KATNA1: variants seen among roughly 807,000 people sequenced by gnomAD.
KATNA1 encodes katanin p60 ATPase-containing subunit A1.
A neutral mutation model predicts 62.6 loss-of-function variants in KATNA1; 42 were observed. The observed-to-expected ratio is 0.67, with a 90% CI of 0.52 to 0.87. The LOEUF (loss-of-function observed/expected upper bound fraction) is 0.87, where lower values mean the gene tolerates loss of function less well. Ranked by LOEUF, KATNA1 falls within the 40% of genes least tolerant of loss-of-function variation. The pLI is 0.00. For synonymous variants in KATNA1, 186 were observed against 201.9 expected, an observed-to-expected ratio of 0.92 and a Z score of 0.67; for missense variants, 498 against 612.5, an observed-to-expected ratio of 0.81 and a Z score of 1.97.
intron 8 of KATNA1, 182 bp downstream of exon 8, chr6:149,598,042 T>C (rs1778394579): frequency 3.3e-6 from 2 of 600,858 alleles, no homozygotes; most frequent in East Asian, 5.8e-5. Flanking sequence ...CCACTGTCAG[T>C]GTACCAAATC....
chr6:149,612,638 C>CA (rs1779005301), intron 4 of KATNA1, among the ~76,000 whole-genome samples: 1 of 151,714 alleles, frequency 6.6e-6, no homozygotes. Flanking sequence ...AAGACAGTTC[C>CA]AAAAAACAAA....
chr6:149,629,230 G>A (rs761715777), intron 3 of KATNA1, among the ~76,000 whole-genome samples: 8 of 152,156 alleles, frequency 5.3e-5, no homozygotes, highest in Non-Finnish European at 1.0e-4. Flanking sequence ...AGGACTGTTA[G>A]AGGCTGAATG....
chr6:149,613,612 C>G (rs534411903), intron 4 of KATNA1, among the ~76,000 whole-genome samples: 14 of 152,230 alleles, frequency 9.2e-5, no homozygotes, highest in South Asian at 4.1e-4. Context: ...TGTATTTCCA[C>G]CTAAACAAAA....
At chr6:149,597,308 G>A (rs1466147156) in intron 9 of KATNA1, 119 bp from the exon 10 acceptor site, 6 of 1,271,684 alleles carry the variant, frequency 4.7e-6, no homozygotes, top group Non-Finnish European at 5.4e-6. Flanking sequence ...TCTAAGAAGA[G>A]ATAATTAAGT....
chr6:149,627,606 C>G (rs1779666921), intron 3 of KATNA1, among the ~76,000 whole-genome samples: 2 of 151,096 alleles, frequency 1.3e-5, no homozygotes, highest in South Asian at 4.2e-4. Context: ...TTGCCTGGAC[C>G]CAGGAGGTGG....
intron 4 of KATNA1, among the ~76,000 whole-genome samples, chr6:149,605,757 C>CTTTATTTA (rs367970953): frequency 2.6e-5 from 4 of 151,952 alleles, no homozygotes; most frequent in Middle Eastern, 3.4e-3. Flanking sequence ...TTCAATAATG[C>CTTTATTTA]TTTATTTATT....
Position 149,638,485 on chromosome 6 carries a change from G to A in KATNA1, c.63C>T (p.Asn21=). The change falls in exon 2 of 11, where the codon AAC becomes AAT. Residue 21 remains asparagine, a synonymous_variant. Transcript: ENST00000367411. The part of the protein sequence containing the change: ...KLAREYALLG[N]YDSAMVYYQG... Reference sequence around the variant, plus strand: ...GATAATAGACCATCGCAGAGTCATAGTTTCCCAGCAATGCATATTCACGAG... The same window carrying A: ...GATAATAGACCATCGCAGAGTCATAATTTCCCAGCAATGCATATTCACGAG... 6.2e-7 allele frequency: 1 copy of A among 1,613,538 alleles called. No individual in the cohort carries two copies. Among genetic ancestry groups the A allele is most frequent in the Non-Finnish European group, 8.5e-7 (1 of 1,179,684 alleles).
chr6:149,642,785 T>C (rs918969992), intron 1 of KATNA1, among the ~76,000 whole-genome samples: 1 of 152,190 alleles, frequency 6.6e-6, no homozygotes, highest in Non-Finnish European at 1.5e-5. Context: ...ACCTTAAATA[T>C]ATTAGAGAGT....
At chr6:149,629,163 T>C (rs528236590) in intron 3 of KATNA1, among the ~76,000 whole-genome samples, 2 of 152,224 alleles carry the variant, frequency 1.3e-5, no homozygotes, top group Non-Finnish European at 2.9e-5. Flanking sequence ...TCAACTGATT[T>C]CCCACTGGGA....
In KATNA1 at chr6:149,639,382, C is replaced by T. The variant is rs573461954; in HGVS notation, c.-13-822G>A. On this transcript the variant is annotated intron_variant, in intron 1 of 10. Coordinates refer to ENST00000367411, the MANE Select transcript of KATNA1 (RefSeq NM_007044.4). ...TTGGGAGGCTGAGGTGGGTGGATCA[C>T]GAGGTCAGGAGATCAAGACCATCCT... Among the ~76,000 whole-genome samples, 327 of 151,526 alleles carry T rather than the reference C, an allele frequency of 2.2e-3. 2 individuals are homozygous for T. The highest frequency in any genetic ancestry group is 7.6e-3 in the African/African-American group (315 of 41,302).
At chr6:149,634,288 A>C (rs529615415) in intron 2 of KATNA1, among the ~76,000 whole-genome samples, 71 of 148,858 alleles carry the variant, frequency 4.8e-4, no homozygotes, top group African/African-American at 1.7e-3. Flanking sequence ...AATAAAATAA[A>C]ATAAAATAAA....
intron 2 of KATNA1, 70 bp from the exon 3 acceptor site, chr6:149,632,986 A>AT: frequency 8.2e-7 from 1 of 1,215,224 alleles, no homozygotes; most frequent in Non-Finnish European, 1.1e-6. Flanking sequence ...AATGAGGGCC[A>AT]TTTACTAGAG....
In KATNA1 at chr6:149,626,106, C is replaced by T. The variant is rs1357940668; in HGVS notation, c.321-2823G>A. Reference sequence around the variant, plus strand: ...TGCTAGAGAAATAATACAAAATAGACACTGACATATAATAAAGTATAGTTG... The same window carrying T: ...TGCTAGAGAAATAATACAAAATAGATACTGACATATAATAAAGTATAGTTG... On this transcript the variant is annotated intron_variant, in intron 3 of 10. Coordinates refer to ENST00000367411, the MANE Select transcript of KATNA1 (RefSeq NM_007044.4). Among the ~76,000 whole-genome samples the T allele has an allele frequency of 4.6e-5, 7 of 152,080 alleles. No homozygotes were observed. The East Asian group carries it at 1.3e-3, about 29-fold the overall frequency.
chr6:149,597,664 G>T, intron 8 of KATNA1, 23 bp from the exon 9 acceptor site: 2 of 1,600,780 alleles, frequency 1.2e-6, no homozygotes, highest in South Asian at 2.3e-5. Flanking sequence ...TAAGGGGAGA[G>T]TGAAAAAGAT....
At chr6:149,596,316 C>G (rs547299854) in intron 10 of KATNA1, among the ~76,000 whole-genome samples, 2 of 152,316 alleles carry the variant, frequency 1.3e-5, no homozygotes, top group East Asian at 3.9e-4. Flanking sequence ...AGGCGGATCA[C>G]TTGAGGTCAG....
chr6:149,595,078 A>G lies in KATNA1; in HGVS notation c.1434T>C (p.Ile478=). 2 of 1,614,086 alleles carry G rather than the reference A, an allele frequency of 1.2e-6. No homozygotes were observed. Among genetic ancestry groups the G allele is most frequent in the Non-Finnish European group, 1.7e-6 (2 of 1,179,976 alleles). ...CAAATATCCATTTCTCGTATCTTTCAATGTCTGCAGCAGACACTGACTTAG... is the reference window on the plus strand; with the variant it reads ...CAAATATCCATTTCTCGTATCTTTCGATGTCTGCAGCAGACACTGACTTAG... ...KVSKSVSAAD[I]ERYEKWIFEF... Residue 478 remains isoleucine (I), a synonymous_variant, in exon 11 of 11, where the codon ATT becomes ATC. Transcript: ENST00000367411.
chr6:149,627,643 T>C lies in KATNA1; in HGVS notation c.321-4360A>G, dbSNP rs547797118. ...GGCTACAGTGAGCTGAGATGCACTA[T>C]TGCATTCCAGCCTGGGTGACAGAGT... On this transcript the variant is annotated intron_variant, in intron 3 of 10. Transcript: ENST00000367411. 6.0e-5 allele frequency among the ~76,000 whole-genome samples: 9 copies of C among 150,846 alleles called. No individual in the cohort carries two copies. The South Asian group carries it at 1.5e-3, about 25-fold the overall frequency.
rs1449425022 is a variant in KATNA1, at chr6:149,598,017, A to G, written c.1015+207T>C. On this transcript the variant is annotated intron_variant, in intron 8 of 10. Transcript: ENST00000367411. ...AAAGGGTGCCCTGTGTGTGGCCATTAATTCTGACTTGTCACCACTGTCAGT... is the reference window on the plus strand; with the variant it reads ...AAAGGGTGCCCTGTGTGTGGCCATTGATTCTGACTTGTCACCACTGTCAGT... 7.4e-6 allele frequency: 4 copies of G among 542,842 alleles called. No individual in the cohort carries two copies. The African/African-American group carries it at 7.7e-5, about 10-fold the overall frequency. 33.6% of individuals were successfully genotyped at this position (542,842 alleles called of 1,614,324 possible).
chr6:149,609,262 A>T (rs1271094885), intron 4 of KATNA1, among the ~76,000 whole-genome samples: 1 of 152,268 alleles, frequency 6.6e-6, no homozygotes, highest in Non-Finnish European at 1.5e-5. Flanking sequence ...AAAAATTGAA[A>T]GCAATGAAAG....
Sources: allele counts gnomAD v4.1 joint callset (sites outside exome capture counted in the v4.1 genomes callset), GRCh38; gene constraint gnomAD v4.1.1; transcripts MANE v1.5; gene names NCBI Gene and HGNC (gene_info 2026-07-23, HGNC 2026-07-21).